Variants in ZNF385D observed in about 807,000 individuals in gnomAD.
The protein encoded by ZNF385D is zinc finger protein 659.
ZNF385D carries 15 observed loss-of-function variants against 35.8 expected under a neutral mutation model. That is an observed-to-expected ratio of 0.42 (90% CI 0.28 to 0.64). The LOEUF (loss-of-function observed/expected upper bound fraction) is 0.64, where lower values mean the gene tolerates loss of function less well. ZNF385D is among the 30% of genes least tolerant of loss of function. The pLI, the probability that ZNF385D is intolerant of heterozygous loss-of-function variation, is 0.23. For missense variants in ZNF385D, 474 were observed against 494.6 expected (o/e 0.96, Z 0.39); for synonymous variants, 212 against 186.8 (o/e 1.13, Z -1.10).
chr3:21,607,826 G>C (rs550273276), intron 2 of ZNF385D, among the ~76,000 whole-genome samples: 11 of 152,142 alleles, frequency 7.2e-5, no homozygotes, highest in Admixed American at 3.3e-4. Flanking sequence ...ATGGAGAGAA[G>C]AGAGTAAGCC....
chr3:22,120,407 G>A (rs1703030620), intron 3 of ZNF385D, among the ~76,000 whole-genome samples: 1 of 152,044 alleles, frequency 6.6e-6, no homozygotes, highest in Admixed American at 6.6e-5. Context: ...AGTCATGTTG[G>A]ATTAAGGACT....
intron 3 of ZNF385D, among the ~76,000 whole-genome samples, chr3:21,561,465 G>A (rs749250168): frequency 1.3e-5 from 2 of 152,136 alleles, no homozygotes; most frequent in African/African-American, 2.4e-5. Context: ...CTCGCCCTCT[G>A]TGGGCAGCAC....
At chr3:21,928,933 T>C (rs1229759247) in intron 3 of ZNF385D, among the ~76,000 whole-genome samples, 1 of 152,150 alleles carries the variant, frequency 6.6e-6, no homozygotes, top group Admixed American at 6.6e-5. Flanking sequence ...ATGCAAACTC[T>C]TCAAGGAAAC....
chr3:22,011,216 C>T lies in ZNF385D; in HGVS notation c.325+157601G>A, dbSNP rs564730521. Among the ~76,000 whole-genome samples, 34 of 151,842 alleles carry T rather than the reference C, an allele frequency of 2.2e-4. No homozygotes were observed. In the South Asian group the frequency reaches 6.9e-3, roughly 31 times the overall value. ...TATGTATACGTAAGCAAAAAAGCCA[C>T]CAATGAGAGAAATTTATGGAAATAA... On this transcript the variant is annotated intron_variant, in intron 3 of 5. Transcript: ENST00000494108.
intron 2 of ZNF385D, among the ~76,000 whole-genome samples, chr3:22,180,460 A>C (rs1010787426): frequency 2.0e-5 from 3 of 152,222 alleles, no homozygotes; most frequent in Non-Finnish European, 4.4e-5. Context: ...CCTGATACCA[A>C]AGCCTGGCAG....
chr3:22,116,502 T>TA (rs1369257938), intron 3 of ZNF385D, among the ~76,000 whole-genome samples: 1 of 152,002 alleles, frequency 6.6e-6, no homozygotes, highest in Non-Finnish European at 1.5e-5. Flanking sequence ...CAATAAAATG[T>TA]AGTAAAAGTG....
At chr3:21,801,870 T>G (rs1314610768) in intron 3 of ZNF385D, among the ~76,000 whole-genome samples, 1 of 152,198 alleles carries the variant, frequency 6.6e-6, no homozygotes, top group African/African-American at 2.4e-5. Context: ...TAATACCATC[T>G]GTTTTGTATA....
chr3:22,014,573 G>A (rs183293686), intron 3 of ZNF385D, among the ~76,000 whole-genome samples: 41 of 152,086 alleles, frequency 2.7e-4, no homozygotes, highest in African/African-American at 9.4e-4. Flanking sequence ...CCCCCAAAAT[G>A]CAGACATTTT....
chr3:21,468,552 A>C (rs1703675235), intron 4 of ZNF385D, among the ~76,000 whole-genome samples: 1 of 152,166 alleles, frequency 6.6e-6, no homozygotes, highest in Admixed American at 6.5e-5. Context: ...CAGCAATAAA[A>C]AGAAAAATGA....
At chr3:21,869,770 A>G (rs993824273) in intron 3 of ZNF385D, among the ~76,000 whole-genome samples, 3 of 152,160 alleles carry the variant, frequency 2.0e-5, no homozygotes, top group East Asian at 1.9e-4. Flanking sequence ...ATCTTATACT[A>G]TAAGACAGAA....
chr3:22,312,486 T>C (rs1703617849), intron 2 of ZNF385D, among the ~76,000 whole-genome samples: 1 of 151,304 alleles, frequency 6.6e-6, no homozygotes, highest in African/African-American at 2.4e-5. Context: ...TGGGAGAAAA[T>C]TTTTGCAACC....
At chr3:22,171,428 G>A (rs1694416685) in intron 2 of ZNF385D, among the ~76,000 whole-genome samples, 1 of 152,056 alleles carries the variant, frequency 6.6e-6, no homozygotes, top group Non-Finnish European at 1.5e-5. Context: ...GCTCACCTGA[G>A]AAAATAAAGA....
At chr3:21,895,886 T>C (rs1306498541) in intron 3 of ZNF385D, among the ~76,000 whole-genome samples, 1 of 152,118 alleles carries the variant, frequency 6.6e-6, no homozygotes, top group Non-Finnish European at 1.5e-5. Flanking sequence ...CTATGAAGTC[T>C]CCTAGAAGTT....
rs3073907 is a variant in ZNF385D, at chr3:21,865,045, CTTTTTTTTTTTTTTT to C, written c.326-200032_326-200018del. On this transcript the variant is annotated intron_variant, in intron 3 of 5. Transcript: ENST00000494108. The stretch of plus-strand genomic sequence containing the variant: ...ATTACTCTGTGGGGTACAGGGAAGA[CTTTTTTTTTTTTTTT>C]TTTTTTTTTTTTTTTTTGAGAGGAG... Among the ~76,000 whole-genome samples the C allele has an allele frequency of 3.3e-4, 7 of 21,198 alleles. No individual in the cohort carries two copies. The Admixed American group carries it at 3.4e-3, about 10-fold the overall frequency. 13.9% of individuals were successfully genotyped at this position (21,198 alleles called of 152,430 possible).
intron 2 of ZNF385D, among the ~76,000 whole-genome samples, chr3:21,575,520 C>T (rs1449548939): frequency 3.0e-4 from 45 of 152,034 alleles, no homozygotes; most frequent in Non-Finnish European, 5.9e-5. Context: ...TTTAATACAC[C>T]AAGCTCTCTT....
chr3:21,524,955 T>C (rs920593614), intron 3 of ZNF385D, among the ~76,000 whole-genome samples: 5 of 150,038 alleles, frequency 3.3e-5, no homozygotes, highest in African/African-American at 1.0e-4. Flanking sequence ...TAACTTCACA[T>C]AGAATTCTTT....
chr3:22,277,140 C>T (rs1315999670), intron 2 of ZNF385D, among the ~76,000 whole-genome samples: 2 of 152,006 alleles, frequency 1.3e-5, no homozygotes, highest in Non-Finnish European at 2.9e-5. Context: ...AACTTAATAA[C>T]TCCCAAAAGG....
At chr3:22,071,856 G>A (rs957627730) in intron 3 of ZNF385D, among the ~76,000 whole-genome samples, 1 of 151,980 alleles carries the variant, frequency 6.6e-6, no homozygotes, top group Non-Finnish European at 1.5e-5. Flanking sequence ...TGCCATCTGT[G>A]GCTGGGGCAT....
At chr3:21,486,988 C>T (rs755119331) in intron 4 of ZNF385D, among the ~76,000 whole-genome samples, 4 of 151,844 alleles carry the variant, frequency 2.6e-5, no homozygotes, top group Non-Finnish European at 1.5e-5. Flanking sequence ...ATGGCAAAAC[C>T]GAAAAATAAA....
Sources: allele counts gnomAD v4.1 joint callset (sites outside exome capture counted in the v4.1 genomes callset), GRCh38; gene constraint gnomAD v4.1.1; transcripts MANE v1.5; gene names NCBI Gene and HGNC (gene_info 2026-07-23, HGNC 2026-07-21).